Variants in NF1 observed in about 807,000 individuals in gnomAD.
NF1 encodes the protein neurofibromin.
Under a neutral mutation model 325.7 loss-of-function variants are expected in NF1, and 122 were observed. The observed-to-expected ratio is 0.37, with a 90% CI of 0.32 to 0.44. NF1 has a LOEUF of 0.44. NF1 is among the 20% of genes least tolerant of loss of function. The pLI is 1.00. For missense variants in NF1, 2,140 were observed against 3,415.4 expected, an observed-to-expected ratio of 0.63 and a Z score of 9.31; for synonymous variants, 1,091 against 1,186.0, an observed-to-expected ratio of 0.92 and a Z score of 1.65.
intron 11 of NF1, among the ~76,000 whole-genome samples, chr17:31,204,603 A>G (rs1362977388): frequency 6.6e-6 from 1 of 152,050 alleles, no homozygotes; most frequent in African/African-American, 2.4e-5. Flanking sequence ...AATGAAAACT[A>G]TGAAAATTAC....
At chr17:31,236,050 G>GT (rs200366665) in intron 29 of NF1, 29 bp downstream of exon 29, 42 of 1,397,352 alleles carry the variant, frequency 3.0e-5, no homozygotes, top group Middle Eastern at 3.6e-4. Context: ...TAGAACCGCT[G>GT]TTTTTTGTTT....
chr17:31,299,615 T>A (rs2068534496), intron 36 of NF1: 2 of 152,228 alleles, frequency 1.3e-5, no homozygotes, highest in South Asian at 4.1e-4. Context: ...AGGTAACATT[T>A]GCTATGCTTG....
chr17:31,212,372 T>C (rs1016110911), intron 12 of NF1, among the ~76,000 whole-genome samples: 36 of 152,240 alleles, frequency 2.4e-4, no homozygotes, highest in African/African-American at 8.7e-4. Context: ...CTGTGTTTCA[T>C]AGTTAACTTT....
rs758784558 is a variant in NF1 at position 31,327,702 on chromosome 17, C to G, written c.5472C>G (p.Ile1824Met). 6.2e-7 allele frequency: 1 copy of G among 1,614,154 alleles called. No homozygotes were observed. The highest frequency in any genetic ancestry group is 8.5e-7 in the Non-Finnish European group (1 of 1,180,016). ...HQECEAIVQS[I>M]IHIRTRWELS... The stretch of plus-strand genomic sequence containing the variant: ...AGTGTGAAGCCATTGTCCAGTCTAT[C>G]ATTCATATCCGGACCCGCTGGGAAC... The change falls in exon 38 of 58, where the codon ATC becomes ATG. Residue 1824 changes from isoleucine to methionine, a missense_variant. By Grantham distance (10) the Ile-to-Met change is conservative. Coordinates refer to ENST00000358273, the MANE Select transcript of NF1 (RefSeq NM_001042492.3).
intron 29 of NF1, 47 bp downstream of exon 29, chr17:31,236,068 T>TGC (rs1191780132): frequency 7.0e-7 from 1 of 1,427,822 alleles, no homozygotes; most frequent in Non-Finnish European, 9.8e-7. Flanking sequence ...TTTTTTTTTT[T>TGC]TTGTTTGTTT....
At chr17:31,212,930 T>C (rs1244325039) in intron 12 of NF1, among the ~76,000 whole-genome samples, 1 of 152,194 alleles carries the variant, frequency 6.6e-6, no homozygotes, top group East Asian at 1.9e-4. Flanking sequence ...ATGTTACATA[T>C]TGTCTATCAT....
chr17:31,353,941 G>GTGTTAC (rs1274092714), intron 51 of NF1, among the ~76,000 whole-genome samples: 2 of 152,222 alleles, frequency 1.3e-5, no homozygotes, highest in Non-Finnish European at 2.9e-5. Context: ...CCACATAGGT[G>GTGTTAC]TGTTACTGTT....
chr17:31,344,575 T>TGAGA (rs976998476), intron 48 of NF1, among the ~76,000 whole-genome samples: 1 of 151,906 alleles, frequency 6.6e-6, no homozygotes, highest in Non-Finnish European at 1.5e-5. Context: ...CCAGTTTTTA[T>TGAGA]GAGAGAGAGA....
At chr17:31,143,443 G>GT (rs372755775) in intron 1 of NF1, among the ~76,000 whole-genome samples, 3,535 of 151,188 alleles carry the variant, frequency 0.023, 117 homozygotes, top group African/African-American at 0.074. Context: ...ATTTTTAAAT[G>GT]TTTTTTTTGT....
chr17:31,242,167 T>G (rs1473580111), intron 29 of NF1, among the ~76,000 whole-genome samples: 1 of 151,936 alleles, frequency 6.6e-6, no homozygotes, highest in Non-Finnish European at 1.5e-5. Context: ...TTAGGATCCT[T>G]TCTTTATCCT....
intron 1 of NF1, among the ~76,000 whole-genome samples, chr17:31,100,642 T>C (rs1349420795): frequency 6.6e-6 from 1 of 152,180 alleles, no homozygotes; most frequent in Non-Finnish European, 1.5e-5. Context: ...CGATCTCAGC[T>C]CACTGCAACG....
At chr17:31,133,506 G>A (rs887948471) in intron 1 of NF1, 2 of 152,132 alleles carry the variant, frequency 1.3e-5, no homozygotes, top group South Asian at 2.1e-4. Context: ...CTAGAAGTAG[G>A]GTTGCTGGAT....
At chr17:31,358,688 C>G (rs2151585425) in intron 55 of NF1, 66 bp downstream of exon 55, 3 of 1,560,534 alleles carry the variant, frequency 1.9e-6, no homozygotes, top group Non-Finnish European at 2.7e-6. Flanking sequence ...TTGTAGAATG[C>G]ACTGACTACA....
intron 36 of NF1, among the ~76,000 whole-genome samples, chr17:31,286,933 C>G (rs910059975): frequency 2.0e-5 from 3 of 152,166 alleles, no homozygotes; most frequent in Admixed American, 2.0e-4. Flanking sequence ...CCTCAGCCTT[C>G]CAGAAGCATT....
chr17:31,137,463 C>T (rs542075977), intron 1 of NF1: 5 of 151,842 alleles, frequency 3.3e-5, no homozygotes. Flanking sequence ...TATTTCTTTC[C>T]ATCATTAACA....
intron 1 of NF1, among the ~76,000 whole-genome samples, chr17:31,117,672 CAA>C (rs780828438): frequency 0.047 from 920 of 19,566 alleles, no homozygotes; most frequent in African/African-American, 0.11. Flanking sequence ...AACTCCATCT[CAA>C]AAAAAAAAAA....
At chr17:31,273,895 A>G (rs2151478438) in intron 36 of NF1, among the ~76,000 whole-genome samples, 1 of 152,262 alleles carries the variant, frequency 6.6e-6, no homozygotes, top group Non-Finnish European at 1.5e-5. Context: ...CACTGGATTG[A>G]CTCTAACTAG....
At chr17:31,103,999 T>G (rs1912620078) in intron 1 of NF1, among the ~76,000 whole-genome samples, 1 of 152,102 alleles carries the variant, frequency 6.6e-6, no homozygotes, top group African/African-American at 2.4e-5. Context: ...CTGGCCTGGG[T>G]GAGACCCTGT....
rs146629985 is a variant in NF1 at position 31,096,138 on chromosome 17, C to G, written c.60+769C>G. ...TTGATAATTGCAGTCTCTTCCCCCC[C>G]CCCTTTTTTTTTTGCCAGCGGTCTG... On this transcript the variant is annotated intron_variant, in intron 1 of 57. Coordinates refer to ENST00000358273, the MANE Select transcript of NF1 (RefSeq NM_001042492.3). 4.6e-5 allele frequency among the ~76,000 whole-genome samples: 7 copies of G among 151,356 alleles called. No individual in the cohort carries two copies. In the South Asian group the frequency reaches 6.3e-4, roughly 14 times the overall value.
Sources: allele counts gnomAD v4.1 joint callset (sites outside exome capture counted in the v4.1 genomes callset), GRCh38; gene constraint gnomAD v4.1.1; transcripts MANE v1.5; gene names NCBI Gene and HGNC (gene_info 2026-07-23, HGNC 2026-07-21).